The following RBBP5 variants were observed in gnomAD, a reference collection of about 807,000 sequenced individuals.
The protein encoded by RBBP5 is RB binding protein 5, histone lysine methyltransferase complex subunit.
In RBBP5, 5 loss-of-function variants were observed where a neutral mutation model predicts 72.2. The ratio of observed to expected loss-of-function variants is 0.07; its 90% CI spans 0.04 to 0.15. The LOEUF (loss-of-function observed/expected upper bound fraction) is 0.15, where lower values mean the gene tolerates loss of function less well. RBBP5 is among the 10% of genes least tolerant of loss of function. The pLI, the probability that RBBP5 is intolerant of heterozygous loss-of-function variation, is 1.00. For missense variants in RBBP5, 322 were observed against 652.2 expected (o/e 0.49, Z 5.51); for synonymous variants, 209 against 237.2 (o/e 0.88, Z 1.09).
chr1:205,101,894 CTTTTTT>C (rs10562809), intron 5 of RBBP5, among the ~76,000 whole-genome samples, 185 bp from the exon 6 acceptor site: 1 of 119,742 alleles, frequency 8.4e-6, no homozygotes, highest in Non-Finnish European at 1.7e-5. Flanking sequence ...TTAATCTAGT[CTTTTTT>C]TTTTTTTTTT....
At chr1:205,118,508 G>A (rs1320703069) in intron 1 of RBBP5, among the ~76,000 whole-genome samples, 1 of 152,090 alleles carries the variant, frequency 6.6e-6, no homozygotes, top group Non-Finnish European at 1.5e-5. Flanking sequence ...AGCTACTTGG[G>A]AGGCTGAAGC....
intron 3 of RBBP5, among the ~76,000 whole-genome samples, chr1:205,106,560 TG>T (rs1656073070): frequency 7.0e-6 from 1 of 142,722 alleles, no homozygotes; most frequent in South Asian, 2.1e-4. Context: ...ATGGCGCCAC[TG>T]GGCTCCAGCC....
At chr1:205,093,389 G>A (rs1389154080) in intron 13 of RBBP5, among the ~76,000 whole-genome samples, 2 of 145,438 alleles carry the variant, frequency 1.4e-5, no homozygotes, top group Non-Finnish European at 1.5e-5. Flanking sequence ...GAACCAGGAG[G>A]CAGAGGTTGC....
At position 205,110,915 on chromosome 1, in the gene RBBP5, T is replaced by C. The variant is rs1656287010; in HGVS notation, c.218+3874A>G. Among the ~76,000 whole-genome samples, 3 of 152,050 alleles carry C rather than the reference T, an allele frequency of 2.0e-5. No homozygotes were observed. The South Asian group carries it at 6.2e-4, about 31-fold the overall frequency. On this transcript the variant is annotated intron_variant, in intron 3 of 13. Coordinates refer to ENST00000264515, the MANE Select transcript of RBBP5 (RefSeq NM_005057.4). ...CCCACCTCTACTAAAAATACAAAAC[T>C]TAGCCGGGCGTGGTGGCCTGCTTCT...
intron 1 of RBBP5, chr1:205,116,177 T>C (rs777752065): frequency 2.1e-6 from 1 of 473,436 alleles, no homozygotes; most frequent in Admixed American, 3.6e-5. Context: ...CAGGCAAACA[T>C]TGAAGAGATT....
intron 3 of RBBP5, among the ~76,000 whole-genome samples, chr1:205,110,123 G>A (rs112653854): frequency 1.1e-4 from 17 of 151,770 alleles, no homozygotes; most frequent in African/African-American, 3.9e-4. Context: ...CGGTTCAAGC[G>A]ATTCTCCTGC....
chr1:205,108,201 G>A (rs1241461464), intron 3 of RBBP5, among the ~76,000 whole-genome samples: 1 of 145,294 alleles, frequency 6.9e-6, no homozygotes, highest in Non-Finnish European at 1.5e-5. Context: ...AGATATCGCA[G>A]CATTGCACTC....
At position 205,117,724 on chromosome 1, in the gene RBBP5, A is replaced by G. The variant is rs144211572; in HGVS notation, c.20-1841T>C. On this transcript the variant is annotated intron_variant, in intron 1 of 13. Transcript: ENST00000264515. ...ATGTATGTGTAAGTGTGTTTATATG[A>G]GCAAGGAAAAAGGTATAAAAGGATA... Among the ~76,000 whole-genome samples the G allele has an allele frequency of 2.1e-3, 315 of 152,238 alleles. 1 individual carries two copies. The highest frequency in any genetic ancestry group is 7.2e-3 in the African/African-American group (298 of 41,554).
chr1:205,117,131 A>G (rs1044252889), intron 1 of RBBP5, among the ~76,000 whole-genome samples: 2 of 151,908 alleles, frequency 1.3e-5, no homozygotes, highest in African/African-American at 4.8e-5. Context: ...GGCTCACTGC[A>G]ACATCTGCTT....
In RBBP5 at chr1:205,088,840, T is replaced by C. The variant is rs754348423; in HGVS notation, c.1589-25A>G. 3 of 1,559,042 alleles carry C rather than the reference T, an allele frequency of 1.9e-6. No individual in the cohort carries two copies. The African/African-American group carries it at 4.2e-5, about 22-fold the overall frequency. On this transcript the variant is annotated intron_variant, in intron 13 of 13. Transcript: ENST00000264515. ...GCTAAAGAGATTAGACACAAAAAGA[T>C]TTCTTTTAGCTTCAATTTAGACCAG...
intron 3 of RBBP5, 46 bp from the exon 4 acceptor site, chr1:205,105,214 A>G (rs140940398): frequency 1.2e-3 from 1,953 of 1,575,728 alleles, no homozygotes; most frequent in Non-Finnish European, 1.5e-3. Flanking sequence ...TAAGTATATC[A>G]TACCACTCTC....
intron 13 of RBBP5, among the ~76,000 whole-genome samples, chr1:205,093,457 T>TC (rs1486998817): frequency 0.011 from 130 of 11,710 alleles, 26 homozygotes; most frequent in Non-Finnish European, 0.013. Flanking sequence ...AAACTCCGTT[T>TC]CAAAAAAAAA....
intron 2 of RBBP5, among the ~76,000 whole-genome samples, chr1:205,115,495 A>G (rs1656484261): frequency 6.6e-6 from 1 of 152,226 alleles, no homozygotes; most frequent in African/African-American, 2.4e-5. Context: ...TAGTTTTACA[A>G]TTAAAAAAGT....
At chr1:205,088,847 T>C in intron 13 of RBBP5, 32 bp from the exon 14 acceptor site, 2 of 1,547,954 alleles carry the variant, frequency 1.3e-6, no homozygotes, top group Non-Finnish European at 1.8e-6. Context: ...AGATTTCTTT[T>C]AGCTTCAATT....
At chr1:205,101,105 T>C (rs1655803530) in intron 6 of RBBP5, among the ~76,000 whole-genome samples, 1 of 152,196 alleles carries the variant, frequency 6.6e-6, no homozygotes, top group African/African-American at 2.4e-5. Context: ...TGGGGACCCC[T>C]GCTCTAAGTC....
rs760735439 is a variant in RBBP5 at position 205,099,579 on chromosome 1, C to A, written c.978+162G>T. On this transcript the variant is annotated intron_variant, in intron 9 of 13. Transcript: ENST00000264515. The surrounding 1 kb of genome is among the most constrained non-coding windows in gnomAD (Gnocchi z 4.7). ...CCAACTTGGGACCAAGACCTTCCCA[C>A]CAAAATAAAGTGCAACTAGATGCAC... Among the ~76,000 whole-genome samples the A allele has an allele frequency of 6.6e-6, 1 of 152,108 alleles. No individual in the cohort carries two copies. Among genetic ancestry groups the A allele is most frequent in the Non-Finnish European group, 1.5e-5 (1 of 68,016 alleles).
intron 3 of RBBP5, 31 bp downstream of exon 3, chr1:205,114,758 A>T: frequency 1.4e-6 from 2 of 1,468,858 alleles, no homozygotes; most frequent in Non-Finnish European, 1.8e-6. Context: ...CATTCTCCTC[A>T]TATTTAAATA....
At chr1:205,096,297 T>C (rs1655615945) in intron 12 of RBBP5, among the ~76,000 whole-genome samples, 1 of 152,062 alleles carries the variant, frequency 6.6e-6, no homozygotes, top group East Asian at 1.9e-4. Context: ...TCCCAAGACA[T>C]GATAATAAAG....
rs1410314662 is a variant in RBBP5, at chr1:205,087,718, A to ATT, written c.*1068_*1069insAA. On this transcript the variant is annotated 3_prime_UTR_variant, in exon 14 of 14. Transcript: ENST00000264515. ...CACATCTATCCAATCTGTTATTTTTATAAAGAACAACAAATGTCAAAAAAA... is the reference window on the plus strand; with the variant it reads ...CACATCTATCCAATCTGTTATTTTTATTTAAAGAACAACAAATGTCAAAAAAA... The ATT allele has an allele frequency of 6.6e-6, 1 of 151,734 alleles. No individual in the cohort carries two copies. Among genetic ancestry groups the ATT allele is most frequent in the East Asian group, 1.9e-4 (1 of 5,168 alleles). 9.4% of individuals were successfully genotyped at this position (151,734 alleles called of 1,614,324 possible). A position where few individuals can be genotyped will look rare whatever the true frequency, so the allele number is the denominator to read the frequency against.
Sources: gnomAD v4.1 joint callset for allele counts (sites outside exome capture counted in the v4.1 genomes callset) on GRCh38, gnomAD v4.1.1 for gene constraint, Gnocchi (gnomAD v3.1) non-coding constraint, MANE v1.5 for transcripts, NCBI Gene and HGNC (gene_info 2026-07-23, HGNC 2026-07-21) for gene names.